DRC8: variants seen among roughly 807,000 people sequenced by gnomAD.
DRC8 encodes the protein dynein regulatory complex protein 8.
At chr1:245,005,419 C>T in the DRC8 span, among the ~76,000 whole-genome samples, 8 of 150,604 alleles carry the variant, frequency 5.3e-5, no homozygotes, top group African/African-American at 1.5e-4. Context: ...GGTGTGATCT[C>T]GGCTCACTGT....
chr1:244,977,653 C>T, the DRC8 span, among the ~76,000 whole-genome samples: 50 of 151,798 alleles, frequency 3.3e-4, no homozygotes, highest in South Asian at 4.1e-3. Context: ...GTTAAACTCT[C>T]TATTTCTTAA....
chr1:245,100,461 G>A, the DRC8 span, among the ~76,000 whole-genome samples: 2 of 150,590 alleles, frequency 1.3e-5, no homozygotes, highest in South Asian at 4.2e-4. Context: ...CAGTTTTCCC[G>A]TAAATGAATA....
the DRC8 span, among the ~76,000 whole-genome samples, chr1:245,057,787 G>A: frequency 6.6e-6 from 1 of 152,088 alleles, no homozygotes; most frequent in Non-Finnish European, 1.5e-5. Context: ...TTATCTTTGT[G>A]TTGGGAACAT....
chr1:245,119,984 C>A, the DRC8 span, among the ~76,000 whole-genome samples: 1 of 151,162 alleles, frequency 6.6e-6, no homozygotes, highest in Non-Finnish European at 1.5e-5. Flanking sequence ...GAGCAAGGAA[C>A]TGAACCCAGT....
chr1:245,011,613 G>T, the DRC8 span, among the ~76,000 whole-genome samples: 3 of 152,208 alleles, frequency 2.0e-5, no homozygotes, highest in Non-Finnish European at 2.9e-5. Flanking sequence ...AGCATTTTCA[G>T]ATTAGGGATG....
the DRC8 span, among the ~76,000 whole-genome samples, chr1:245,073,831 C>G: frequency 6.6e-6 from 1 of 151,972 alleles, no homozygotes; most frequent in Non-Finnish European, 1.5e-5. Context: ...GGATCGAATC[C>G]CTGCGTGATT....
chr1:244,971,090 A>T, the DRC8 span: 1 of 153,558 alleles, frequency 6.5e-6, no homozygotes, highest in African/African-American at 2.4e-5. Context: ...CTCCTTAATG[A>T]GGACGCAGGA....
At chr1:245,054,107 G>T in the DRC8 span, among the ~76,000 whole-genome samples, 1 of 152,042 alleles carries the variant, frequency 6.6e-6, no homozygotes, top group Non-Finnish European at 1.5e-5. Context: ...TTAACACCAT[G>T]TTCCTCTCCA....
At chr1:244,997,371 G>C in the DRC8 span, among the ~76,000 whole-genome samples, 1 of 152,046 alleles carries the variant, frequency 6.6e-6, no homozygotes, top group Non-Finnish European at 1.5e-5. Context: ...CTGCTAGAAT[G>C]CCACTCTTCG....
the DRC8 span, among the ~76,000 whole-genome samples, chr1:245,121,336 G>A: frequency 1.3e-5 from 2 of 152,202 alleles, no homozygotes; most frequent in East Asian, 3.8e-4. Context: ...TAACGGAAGA[G>A]TCCAAAAGCA....
the DRC8 span, chr1:244,970,799 G>C: frequency 2.7e-6 from 1 of 367,602 alleles, no homozygotes; most frequent in Non-Finnish European, 4.9e-6. Context: ...CTCCCTCGGA[G>C]GCCGGGCCTT....
chr1:244,998,917 G>A, the DRC8 span, among the ~76,000 whole-genome samples: 1 of 152,092 alleles, frequency 6.6e-6, no homozygotes, highest in Admixed American at 6.6e-5. Flanking sequence ...TAGGTCACAT[G>A]CCTATTCCTT....
At chr1:245,018,226 CAA>C in the DRC8 span, among the ~76,000 whole-genome samples, 25 of 62,652 alleles carry the variant, frequency 4.0e-4, no homozygotes, top group East Asian at 1.0e-3. Flanking sequence ...GACTCTGTCT[CAA>C]AAAAAAAAAA....
chr1:244,976,388 T>A, the DRC8 span, among the ~76,000 whole-genome samples: 2 of 152,188 alleles, frequency 1.3e-5, no homozygotes, highest in African/African-American at 4.8e-5. Context: ...TCTTCCTGTT[T>A]TAGACCAATA....
chr1:245,009,028 C>CTT, the DRC8 span, among the ~76,000 whole-genome samples: 3,107 of 64,406 alleles, frequency 0.048, 367 homozygotes, highest in African/African-American at 0.065. Flanking sequence ...TTATGCTTTT[C>CTT]TTTTTTTTTT....
At chr1:244,997,525 CTTTT>C in the DRC8 span, among the ~76,000 whole-genome samples, 1 of 126,736 alleles carries the variant, frequency 7.9e-6, no homozygotes, top group African/African-American at 2.9e-5. Context: ...TTCGTGCCAT[CTTTT>C]TTTTTTTTTT....
the DRC8 span, among the ~76,000 whole-genome samples, chr1:244,989,269 C>T: frequency 6.6e-6 from 1 of 152,088 alleles, no homozygotes; most frequent in Non-Finnish European, 1.5e-5. Context: ...CCATACTTTA[C>T]TCAGATTTTC....
At chr1:244,997,684 C>T in the DRC8 span, among the ~76,000 whole-genome samples, 3 of 151,914 alleles carry the variant, frequency 2.0e-5, no homozygotes, top group African/African-American at 7.3e-5. Context: ...GCTGGGATTA[C>T]AGGCGCCCTC....
At chr1:245,101,761 G>A in the DRC8 span, among the ~76,000 whole-genome samples, 1 of 151,740 alleles carries the variant, frequency 6.6e-6, no homozygotes, top group Non-Finnish European at 1.5e-5. Flanking sequence ...AGTATTTTTT[G>A]CTTTTTAGTA....
Sources: allele counts gnomAD v4.1 joint callset (sites outside exome capture counted in the v4.1 genomes callset), GRCh38; gene constraint gnomAD v4.1.1; transcripts MANE v1.5; gene names NCBI Gene and HGNC (gene_info 2026-07-23, HGNC 2026-07-21).